TBC1D2: variants seen among roughly 807,000 people sequenced by gnomAD.
TBC1D2 encodes TBC1 domain family member 2A.
In TBC1D2, 58 loss-of-function variants were observed where a neutral mutation model predicts 91.1. The observed-to-expected ratio is 0.64, with a 90% CI of 0.52 to 0.79. The LOEUF is 0.79. Among genes scored for constraint, TBC1D2 ranks in the 30% least tolerant of loss-of-function variants. The pLI, the probability that TBC1D2 is intolerant of heterozygous loss-of-function variation, is 0.00. For missense variants in TBC1D2, 1,080 were observed against 1,208.3 expected (o/e 0.89, Z 1.57); for synonymous variants, 482 against 511.5 (o/e 0.94, Z 0.78).
At chr9:98,244,868 C>T (rs747317218) in intron 2 of TBC1D2, among the ~76,000 whole-genome samples, 5 of 152,048 alleles carry the variant, frequency 3.3e-5, no homozygotes, top group Non-Finnish European at 7.4e-5. Context: ...GAATATTAAT[C>T]ATTCAAAACA....
intron 5 of TBC1D2, among the ~76,000 whole-genome samples, chr9:98,225,263 G>T (rs1417422243): frequency 6.6e-6 from 1 of 152,230 alleles, no homozygotes; most frequent in Non-Finnish European, 1.5e-5. Flanking sequence ...TCAACTCCAA[G>T]GGTCAGTCCC....
In TBC1D2 at chr9:98,255,187, C is replaced by A. The variant is rs766384473; in HGVS notation, c.355G>T (p.Val119Phe). 6.2e-7 allele frequency: 1 copy of A among 1,607,722 alleles called. No homozygotes were observed. The highest frequency in any genetic ancestry group is 1.1e-5 in the South Asian group (1 of 90,816). ...CAGGAATTTACCTTCAGGGTAATAACCCGGCTGGGAGTCTTGATTTCGAAG... is the reference window on the plus strand; with the variant it reads ...CAGGAATTTACCTTCAGGGTAATAAACCGGCTGGGAGTCTTGATTTCGAAG... ...GIFEIKTPSR[V>F]ITLKAATKQA... The change falls in exon 1 of 13, where the codon GTT becomes TTT. Residue 119 changes from valine to phenylalanine, a missense_variant. Val to Phe is a conservative substitution (Grantham distance 50). Coordinates refer to ENST00000465784, the MANE Select transcript of TBC1D2 (RefSeq NM_001267571.2).
intron 1 of TBC1D2, among the ~76,000 whole-genome samples, chr9:98,253,334 C>T (rs986542526): frequency 7.9e-5 from 12 of 152,208 alleles, no homozygotes; most frequent in Non-Finnish European, 7.3e-5. Context: ...TTCTATTTCC[C>T]TACTATCCCG....
rs769954649 is a variant in TBC1D2 at position 98,201,676 on chromosome 9, C to T, written c.2272-12G>A. The T allele has an allele frequency of 5.6e-6, 9 of 1,604,180 alleles. No individual in the cohort carries two copies. Among genetic ancestry groups the T allele is most frequent in the South Asian group, 2.2e-5 (2 of 90,334 alleles). On this transcript the variant is annotated splice_polypyrimidine_tract_variant and intron_variant, in intron 10 of 12. Transcript: ENST00000465784. ...ACCCGCTGGTCCACCTGGAAGCCAG[C>T]GAGAGGGCCTGTCATCTGCAGCCCC...
chr9:98,200,192 C>G (rs757833771), intron 12 of TBC1D2, 61 bp downstream of exon 12: 12 of 1,602,084 alleles, frequency 7.5e-6, no homozygotes, highest in Non-Finnish European at 1.0e-5. Context: ...AGCCTCCCCT[C>G]TGCTATGTGT....
intron 6 of TBC1D2, among the ~76,000 whole-genome samples, chr9:98,214,536 C>G (rs112452504): frequency 0.085 from 5,297 of 62,436 alleles, 292 homozygotes; most frequent in African/African-American, 0.12. Context: ...AGGATGACTC[C>G]GACGTGGCCA....
chr9:98,207,524 T>A (rs1297131394), intron 9 of TBC1D2, among the ~76,000 whole-genome samples: 1 of 152,126 alleles, frequency 6.6e-6, no homozygotes, highest in East Asian at 1.9e-4. Context: ...CTGCGTCCCC[T>A]ACCAATTGGA....
Position 98,203,316 on chromosome 9 carries a change from T to C in TBC1D2, c.2243A>G (p.Tyr748Cys). The stretch of plus-strand genomic sequence containing the variant: ...GGATGCCGTCAGCGTGTTGCAGTAG[T>C]AATCAGCGGGCATGATGGTCTCCAC... ...AIVETIMPAD[Y>C]YCNTLTASQV... Residue 748 changes from tyrosine to cysteine, a missense_variant, in exon 10 of 13, where the codon TAC becomes TGC. By Grantham distance (194) the Tyr-to-Cys change is radical (BLOSUM62 -2). Transcript: ENST00000465784. 6.2e-7 allele frequency: 1 copy of C among 1,614,234 alleles called. No homozygotes were observed. Among genetic ancestry groups the C allele is most frequent in the Non-Finnish European group, 8.5e-7 (1 of 1,180,032 alleles).
In TBC1D2 at chr9:98,211,814, T is replaced by C. The variant is rs1410007464; in HGVS notation, c.1486-971A>G. ...TTCAGGGATTCCTTTTTTTTTTTTTTCCTGAGAGAGTCTCGCTCTGTCATC... is the reference window on the plus strand; with the variant it reads ...TTCAGGGATTCCTTTTTTTTTTTTTCCCTGAGAGAGTCTCGCTCTGTCATC... On this transcript the variant is annotated intron_variant, in intron 7 of 12. Transcript: ENST00000465784. Among the ~76,000 whole-genome samples the C allele has an allele frequency of 2.6e-5, 4 of 151,630 alleles. No homozygotes were observed. In the South Asian group the frequency reaches 6.2e-4, roughly 24 times the overall value.
At chr9:98,203,980 C>T (rs775452624) in intron 9 of TBC1D2, among the ~76,000 whole-genome samples, 25 of 152,162 alleles carry the variant, frequency 1.6e-4, no homozygotes, top group Non-Finnish European at 2.9e-4. Context: ...CGCTCACTGC[C>T]TGGCATTTAG....
intron 6 of TBC1D2, among the ~76,000 whole-genome samples, chr9:98,217,830 T>C (rs1360645731): frequency 1.3e-5 from 2 of 152,076 alleles, no homozygotes; most frequent in Non-Finnish European, 2.9e-5. Context: ...ATCTCCCACC[T>C]CAGCCTTCTG....
intron 3 of TBC1D2, among the ~76,000 whole-genome samples, chr9:98,239,793 G>C (rs1829592695): frequency 6.6e-6 from 1 of 152,002 alleles, no homozygotes; most frequent in East Asian, 1.9e-4. Flanking sequence ...GAAGTCATTT[G>C]GTCCTGAGTT....
Position 98,199,393 on chromosome 9 carries a change from C to G in TBC1D2, c.2775G>C (p.Glu925Asp). The G allele has an allele frequency of 6.2e-7, 1 of 1,613,114 alleles. No individual in the cohort carries two copies. The highest frequency in any genetic ancestry group is 1.3e-5 in the African/African-American group (1 of 75,004). ...GGAGGTGGCCAAGTCAGGCTTCCCCCTCCACCTCGTCCTCGCTGGCACAGC... is the reference window on the plus strand; with the variant it reads ...GGAGGTGGCCAAGTCAGGCTTCCCCGTCCACCTCGTCCTCGCTGGCACAGC... ...SEGCASEDEVEGEA is the reference protein window; with the variant it reads ...SEGCASEDEVDGEA Residue 925 changes from glutamate (E) to aspartate (D), a missense_variant, in exon 13 of 13, where the codon GAG (glutamate) becomes GAC (aspartate). Physicochemically the swap from Glu to Asp is conservative, Grantham distance 45. Transcript: ENST00000465784.
chr9:98,211,254 G>A (rs1300906418), intron 7 of TBC1D2, among the ~76,000 whole-genome samples: 2 of 152,208 alleles, frequency 1.3e-5, no homozygotes, highest in Admixed American at 6.5e-5. Context: ...TCAGATGAGC[G>A]GATGTGTATA....
intron 2 of TBC1D2, among the ~76,000 whole-genome samples, chr9:98,246,635 G>A (rs564677202): frequency 6.6e-6 from 1 of 152,246 alleles, no homozygotes; most frequent in South Asian, 2.1e-4. Flanking sequence ...TGCTGGGGTA[G>A]GGGCAGTTCT....
Position 98,208,754 on chromosome 9 carries a change from G to A in TBC1D2, c.2064C>T (p.Thr688=), listed in dbSNP as rs774143099. The A allele has an allele frequency of 6.4e-7, 1 of 1,568,812 alleles. No homozygotes were observed. The highest frequency in any genetic ancestry group is 8.7e-7 in the Non-Finnish European group (1 of 1,153,052). Residue 688 remains threonine (T), a synonymous_variant, in exon 9 of 13, where the codon ACC becomes ACT. Transcript: ENST00000465784. ...GGCGGAGCTTGTCGGGGAAGCTGGA[G>A]GTGGGGCAGGTGAAGTGTTTGTTGT... ...FPNNKHFTCP[T]SSFPDKLRRV...
At chr9:98,241,903 TG>T (rs548635756) in intron 3 of TBC1D2, among the ~76,000 whole-genome samples, 344 of 152,244 alleles carry the variant, frequency 2.3e-3, no homozygotes, top group Non-Finnish European at 3.9e-3. Context: ...CAAATGCCTG[TG>T]GGGGAGCTCT....
chr9:98,205,394 A>G (rs1828623282), intron 9 of TBC1D2, among the ~76,000 whole-genome samples: 1 of 152,218 alleles, frequency 6.6e-6, no homozygotes, highest in African/African-American at 2.4e-5. Context: ...GAGTGTGTTG[A>G]TGGGGGAAAA....
intron 12 of TBC1D2, 89 bp from the exon 13 acceptor site, chr9:98,199,677 T>A: frequency 7.0e-6 from 10 of 1,423,818 alleles, no homozygotes; most frequent in Non-Finnish European, 8.9e-6. Flanking sequence ...CCCGCATTCC[T>A]TCTGCCTTTG....
Sources: allele counts gnomAD v4.1 joint callset (sites outside exome capture counted in the v4.1 genomes callset), GRCh38; gene constraint gnomAD v4.1.1; transcripts MANE v1.5; gene names NCBI Gene and HGNC (gene_info 2026-07-23, HGNC 2026-07-21).